USH2A: variants seen among roughly 807,000 people sequenced by gnomAD.
USH2A encodes usherin.
A neutral mutation model predicts 538.9 loss-of-function variants in USH2A; 443 were observed. The ratio of observed to expected loss-of-function variants is 0.82; its 90% CI spans 0.76 to 0.89. The LOEUF (loss-of-function observed/expected upper bound fraction) is 0.89, where lower values mean the gene tolerates loss of function less well. Among genes scored for constraint, USH2A ranks in the 40% least tolerant of loss-of-function variants. USH2A has a pLI of 0.00. For missense variants in USH2A, 6,633 were observed against 6,324.8 expected, an observed-to-expected ratio of 1.05 and a Z score of -1.65; for synonymous variants, 2,413 against 2,273.5, an observed-to-expected ratio of 1.06 and a Z score of -1.75.
rs549454998 is a variant in USH2A at position 215,711,584 on chromosome 1, A to G, written c.12066+16446T>C. Reference sequence around the variant, plus strand: ...ACTCCTCAAGACTTTTTTTTCTGGAAATCCCTAAAGTTTTTCTGGGGGGTC... The same window carrying G: ...ACTCCTCAAGACTTTTTTTTCTGGAGATCCCTAAAGTTTTTCTGGGGGGTC... On this transcript the variant is annotated intron_variant, in intron 61 of 71. Transcript: ENST00000307340. Among the ~76,000 whole-genome samples the G allele has an allele frequency of 8.5e-5, 13 of 152,276 alleles. No individual in the cohort carries two copies. In the South Asian group the frequency reaches 2.1e-3, roughly 24 times the overall value.
chr1:215,651,115 G>A (rs1175553526), intron 64 of USH2A, among the ~76,000 whole-genome samples: 5 of 152,176 alleles, frequency 3.3e-5, no homozygotes, highest in Non-Finnish European at 5.9e-5. Context: ...GGGAAGTGGA[G>A]TGATTTTGTC....
At position 215,837,782 on chromosome 1, in the gene USH2A, G is replaced by T. The variant is rs533682396; in HGVS notation, c.9371+209C>A. Reference sequence around the variant, plus strand: ...CAGGTTACTAAATAAGAAATCTGAGGCTGGGCAATCAGGGAAATTAAAGAT... The same window carrying T: ...CAGGTTACTAAATAAGAAATCTGAGTCTGGGCAATCAGGGAAATTAAAGAT... On this transcript the variant is annotated intron_variant, in intron 47 of 71. Transcript: ENST00000307340. Among the ~76,000 whole-genome samples the T allele has an allele frequency of 9.5e-4, 144 of 152,284 alleles. 3 individuals are homozygous for T. Among genetic ancestry groups the T allele is most frequent in the Non-Finnish European group, 7.4e-5 (5 of 68,018 alleles).
chr1:216,349,172 C>A (rs2038230533), intron 4 of USH2A, among the ~76,000 whole-genome samples: 1 of 151,990 alleles, frequency 6.6e-6, no homozygotes, highest in African/African-American at 2.4e-5. Flanking sequence ...CTTGACATAC[C>A]AGCATTTTCT....
chr1:216,178,661 C>T (rs1306101993), intron 20 of USH2A, among the ~76,000 whole-genome samples: 1 of 152,010 alleles, frequency 6.6e-6, no homozygotes, highest in East Asian at 1.9e-4. Context: ...AAACTACTAA[C>T]CTAGTAATAT....
chr1:215,744,953 A>G (rs563060241), intron 58 of USH2A, among the ~76,000 whole-genome samples: 4 of 152,298 alleles, frequency 2.6e-5, no homozygotes, highest in Admixed American at 6.5e-5. Context: ...CTAGCTTTCT[A>G]TCTTTCCGGT....
chr1:216,250,627 T>C (rs1268510875), intron 12 of USH2A, among the ~76,000 whole-genome samples: 1 of 152,232 alleles, frequency 6.6e-6, no homozygotes, highest in Non-Finnish European at 1.5e-5. Context: ...AAGCAAATTA[T>C]ATTTTTCTAT....
At chr1:216,341,126 T>C (rs1408453606) in intron 4 of USH2A, among the ~76,000 whole-genome samples, 3 of 152,092 alleles carry the variant, frequency 2.0e-5, no homozygotes, top group African/African-American at 7.2e-5. Context: ...TTCCTTAAGC[T>C]GATAAACGAC....
chr1:215,725,437 T>C (rs535953777), intron 61 of USH2A, among the ~76,000 whole-genome samples: 52 of 152,300 alleles, frequency 3.4e-4, no homozygotes, highest in South Asian at 1.2e-3. Flanking sequence ...TAAAGAGTCA[T>C]AGTTGCCCTG....
chr1:215,847,646 G>C (rs1354792104), intron 44 of USH2A, among the ~76,000 whole-genome samples: 1 of 148,576 alleles, frequency 6.7e-6, no homozygotes, highest in Non-Finnish European at 1.5e-5. Flanking sequence ...CCATGTCTCA[G>C]GAAAAAAAAA....
chr1:215,889,563 G>T (rs1665156886), intron 40 of USH2A, among the ~76,000 whole-genome samples: 1 of 151,870 alleles, frequency 6.6e-6, no homozygotes, highest in African/African-American at 2.4e-5. Flanking sequence ...TCCATGTTTT[G>T]CAATTTATCT....
intron 21 of USH2A, among the ~76,000 whole-genome samples, chr1:216,157,806 G>T (rs1279983672): frequency 6.6e-6 from 1 of 152,140 alleles, no homozygotes; most frequent in African/African-American, 2.4e-5. Flanking sequence ...ACACTGGAAG[G>T]GAGGGAGGGG....
chr1:216,232,158 G>C, intron 13 of USH2A, 22 bp from the exon 14 acceptor site: 2 of 1,594,260 alleles, frequency 1.3e-6, no homozygotes, highest in Non-Finnish European at 1.7e-6. Flanking sequence ...GAAATTAAAA[G>C]TTTTATATAT....
intron 15 of USH2A, 65 bp from the exon 16 acceptor site, chr1:216,207,496 T>C (rs1252166373): frequency 1.3e-6 from 2 of 1,594,174 alleles, no homozygotes; most frequent in Non-Finnish European, 1.7e-6. Flanking sequence ...CAAACTGAAG[T>C]AAGATATCCA....
At chr1:216,291,748 C>T (rs2037005998) in intron 10 of USH2A, among the ~76,000 whole-genome samples, 1 of 152,164 alleles carries the variant, frequency 6.6e-6, no homozygotes, top group African/African-American at 2.4e-5. Context: ...CTCAGACTAC[C>T]AGTGTCCATG....
intron 32 of USH2A, among the ~76,000 whole-genome samples, chr1:216,040,824 A>G (rs1317378363): frequency 1.3e-5 from 2 of 152,050 alleles, no homozygotes; most frequent in East Asian, 1.9e-4. Context: ...TTACCTCAAA[A>G]TTCTTAAAAA....
chr1:215,680,003 C>A, intron 62 of USH2A, 146 bp downstream of exon 62: 1 of 791,548 alleles, frequency 1.3e-6, no homozygotes, highest in East Asian at 2.6e-5. Flanking sequence ...TTTCTGTGAT[C>A]TATGATTAAG....
In USH2A at chr1:215,844,382, A is replaced by G; in HGVS notation, c.9170T>C (p.Val3057Ala). Residue 3057 changes from valine to alanine, a missense_variant, in exon 46 of 72, where the codon GTA (valine) becomes GCA (alanine). By Grantham distance (64) the Val-to-Ala change is moderately conservative (BLOSUM62 0). Coordinates refer to ENST00000307340, the MANE Select transcript of USH2A (RefSeq NM_206933.4). ...NGVVTEYSIY[V>A]NNKLYKTGMN... Reference sequence around the variant, plus strand: ...TCCAGTCTTGTAGAGCTTATTATTTACATAGATAGAATACTCAGTGACAAC... The same window carrying G: ...TCCAGTCTTGTAGAGCTTATTATTTGCATAGATAGAATACTCAGTGACAAC... 6.2e-7 allele frequency: 1 copy of G among 1,613,836 alleles called. No homozygotes were observed. The highest frequency in any genetic ancestry group is 8.5e-7 in the Non-Finnish European group (1 of 1,179,878).
chr1:215,880,092 A>G lies in USH2A; in HGVS notation c.8224-994T>C, dbSNP rs530279899. ...TTAGAGTCATGTTTTGTTAGATTAT[A>G]TTTTTTTCCCTAGCATACAGTTATT... On this transcript the variant is annotated intron_variant, in intron 41 of 71. Transcript: ENST00000307340. Among the ~76,000 whole-genome samples the G allele has an allele frequency of 2.6e-5, 4 of 152,204 alleles. No homozygotes were observed. The South Asian group carries it at 8.3e-4, about 32-fold the overall frequency.
chr1:216,013,218 C>A (rs943497547), intron 32 of USH2A, among the ~76,000 whole-genome samples: 4 of 151,272 alleles, frequency 2.6e-5, no homozygotes, highest in African/African-American at 9.7e-5. Flanking sequence ...CAGGCCATCA[C>A]CAATAATTCT....
Sources: allele counts gnomAD v4.1 joint callset (sites outside exome capture counted in the v4.1 genomes callset), GRCh38; gene constraint gnomAD v4.1.1; transcripts MANE v1.5; gene names NCBI Gene and HGNC (gene_info 2026-07-23, HGNC 2026-07-21).